The following MYT1L variants were observed in gnomAD, a reference collection of about 807,000 sequenced individuals.
MYT1L encodes the protein myelin transcription factor 1 like, also known as myelin transcription factor 1-like protein.
Under a neutral mutation model 126.7 loss-of-function variants are expected in MYT1L, and 12 were observed. That is an observed-to-expected ratio of 0.09 (90% CI 0.06 to 0.15). The LOEUF (loss-of-function observed/expected upper bound fraction) is 0.15, where lower values mean the gene tolerates loss of function less well. MYT1L is among the 10% of genes least tolerant of loss of function. The pLI, the probability that MYT1L is intolerant of heterozygous loss-of-function variation, is 1.00. For missense variants in MYT1L, 979 were observed against 1,585.2 expected (o/e 0.62, Z 6.49); for synonymous variants, 541 against 604.2 (o/e 0.90, Z 1.53).
chr2:2,124,234 T>G (rs1198419885), intron 3 of MYT1L, among the ~76,000 whole-genome samples: 1 of 152,224 alleles, frequency 6.6e-6, no homozygotes, highest in Non-Finnish European at 1.5e-5. Context: ...TTACACACAA[T>G]TTGAAAATAC....
intron 1 of MYT1L, among the ~76,000 whole-genome samples, chr2:2,301,613 G>A (rs189072501): frequency 6.6e-6 from 1 of 152,140 alleles, no homozygotes; most frequent in Admixed American, 6.5e-5. Context: ...AGGATCACTT[G>A]AGGCCAGGAG....
intron 3 of MYT1L, among the ~76,000 whole-genome samples, chr2:2,099,686 A>G (rs1022382761): frequency 6.6e-6 from 1 of 152,218 alleles, no homozygotes; most frequent in African/African-American, 2.4e-5. Context: ...AAAGAGTGAA[A>G]ACAGTATAGC....
chr2:2,052,130 G>T (rs1259587747), intron 4 of MYT1L, among the ~76,000 whole-genome samples: 1 of 152,138 alleles, frequency 6.6e-6, no homozygotes, highest in African/African-American at 2.4e-5. Context: ...AGAGAACCCA[G>T]AAATAAATTC....
At chr2:1,850,228 C>A (rs1448721832) in intron 19 of MYT1L, among the ~76,000 whole-genome samples, 1 of 72,700 alleles carries the variant, frequency 1.4e-5, no homozygotes, top group Non-Finnish European at 2.7e-5. Context: ...TCCTTCCTTC[C>A]TTCCTTCCTT....
At chr2:1,970,910 G>A (rs2059766326) in intron 8 of MYT1L, among the ~76,000 whole-genome samples, 1 of 152,148 alleles carries the variant, frequency 6.6e-6, no homozygotes, top group Non-Finnish European at 1.5e-5. Context: ...ATCTGGCCTT[G>A]ACCAATACAG....
chr2:2,002,024 T>C (rs2062442918), intron 4 of MYT1L, among the ~76,000 whole-genome samples: 1 of 152,162 alleles, frequency 6.6e-6, no homozygotes, highest in Admixed American at 6.5e-5. Flanking sequence ...CTATGTATAT[T>C]ATAGAGATTT....
chr2:1,962,820 G>A (rs1388890226), intron 8 of MYT1L, among the ~76,000 whole-genome samples: 1 of 152,168 alleles, frequency 6.6e-6, no homozygotes, highest in African/African-American at 2.4e-5. Flanking sequence ...CAGTTCTCTT[G>A]CTATTTCCAC....
At chr2:2,217,717 AAAG>A (rs1170468984) in intron 2 of MYT1L, among the ~76,000 whole-genome samples, 19 of 145,530 alleles carry the variant, frequency 1.3e-4, no homozygotes, top group Non-Finnish European at 2.6e-4. Flanking sequence ...AAAAAAAAAA[AAAG>A]AAAGAAGGAA....
rs73184819 is a variant in MYT1L, at chr2:1,822,981, C to T, written c.3081-13814G>A. On this transcript the variant is annotated intron_variant, in intron 21 of 24. Coordinates refer to ENST00000647738, the MANE Select transcript of MYT1L (RefSeq NM_001303052.2). ...GTTGTTAACGTTATCACTGCTGTGG[C>T]TTGGCTGTGTCTCCTGAAGGGATAT... 1.3e-3 allele frequency among the ~76,000 whole-genome samples: 202 copies of T among 152,316 alleles called. 1 individual carries two copies. The highest frequency in any genetic ancestry group is 4.6e-3 in the African/African-American group (190 of 41,564).
At chr2:2,226,492 G>A (rs2149026783) in intron 2 of MYT1L, among the ~76,000 whole-genome samples, 1 of 152,254 alleles carries the variant, frequency 6.6e-6, no homozygotes, top group South Asian at 2.1e-4. Flanking sequence ...CTGGGGATGT[G>A]CTGTCCCAGG....
chr2:1,937,214 C>G (rs911600324), intron 9 of MYT1L, among the ~76,000 whole-genome samples: 2 of 152,176 alleles, frequency 1.3e-5, no homozygotes, highest in African/African-American at 4.8e-5. Context: ...CCCTGACCCC[C>G]ACATCGACTC....
chr2:2,269,393 T>C (rs1301195080), intron 2 of MYT1L, among the ~76,000 whole-genome samples: 1 of 152,172 alleles, frequency 6.6e-6, no homozygotes, highest in Non-Finnish European at 1.5e-5. Flanking sequence ...ATAGCATCTC[T>C]CAGTGTCTTT....
chr2:1,871,828 T>C (rs2046320897), intron 18 of MYT1L, among the ~76,000 whole-genome samples: 1 of 152,074 alleles, frequency 6.6e-6, no homozygotes, highest in African/African-American at 2.4e-5. Flanking sequence ...GCCACTAGCA[T>C]GGATAAGAGA....
Position 1,979,803 on chromosome 2 carries a change from T to C in MYT1L, c.1-26A>G, listed in dbSNP as rs780727013. ...CTGGGGATAGATTAGCAGCCATCAA[T>C]GTGCTTATCCTGCCTGTGCAGGCCA... On this transcript the variant is annotated intron_variant, in intron 5 of 24. Transcript: ENST00000647738. This position sits in a 1 kb window ranked among gnomAD's most constrained non-coding sequence, Gnocchi z 4.0. 1.2e-5 allele frequency: 20 copies of C among 1,613,370 alleles called. No individual in the cohort carries two copies. Among genetic ancestry groups the C allele is most frequent in the Non-Finnish European group, 1.4e-5 (17 of 1,179,704 alleles).
chr2:1,810,255 T>C (rs971799338), intron 21 of MYT1L, among the ~76,000 whole-genome samples: 8 of 151,878 alleles, frequency 5.3e-5, no homozygotes, highest in Non-Finnish European at 1.2e-4. Context: ...GCCTCCCGAT[T>C]ACAGAATTAT....
At chr2:2,143,268 C>T (rs1485185990) in intron 3 of MYT1L, among the ~76,000 whole-genome samples, 19 of 139,598 alleles carry the variant, frequency 1.4e-4, no homozygotes, top group Admixed American at 1.2e-3. Flanking sequence ...CCAGCCTGGG[C>T]GACAGAGCGA....
At position 1,927,697 on chromosome 2, in the gene MYT1L, C is replaced by T. The variant is rs376332990; in HGVS notation, c.506-4434G>A. 3.9e-5 allele frequency among the ~76,000 whole-genome samples: 6 copies of T among 152,308 alleles called. No homozygotes were observed. The East Asian group carries it at 5.8e-4, about 15-fold the overall frequency. ...GGGGACTGTACTCCAAAGCAAAAAT[C>T]GCCCTAGACTTCCCCGGGTCGGAGG... On this transcript the variant is annotated intron_variant, in intron 9 of 24. Transcript: ENST00000647738.
In MYT1L at chr2:2,058,310, T is replaced by G. The variant is rs180821760; in HGVS notation, c.-303-4187A>C. Among the ~76,000 whole-genome samples the G allele has an allele frequency of 3.9e-5, 6 of 152,402 alleles. No individual in the cohort carries two copies. The East Asian group carries it at 1.2e-3, about 29-fold the overall frequency. ...GTTGAATTTGAGATTTCATTGTATA[T>G]TCTAGATACTAGTTCTTTGATGAAT... On this transcript the variant is annotated intron_variant, in intron 3 of 24. Transcript: ENST00000647738.
At chr2:2,050,042 C>G (rs920544771) in intron 4 of MYT1L, among the ~76,000 whole-genome samples, 1 of 151,940 alleles carries the variant, frequency 6.6e-6, no homozygotes, top group Non-Finnish European at 1.5e-5. Context: ...GTGAGTGGCA[C>G]TTTTAGAACC....
Sources: allele counts gnomAD v4.1 joint callset (sites outside exome capture counted in the v4.1 genomes callset), GRCh38; gene constraint gnomAD v4.1.1; non-coding constraint Gnocchi (gnomAD v3.1); transcripts MANE v1.5; gene names NCBI Gene and HGNC (gene_info 2026-07-23, HGNC 2026-07-21).